Variants in ZMAT5 observed in about 807,000 individuals in gnomAD.
ZMAT5 encodes zinc finger matrin-type protein 5.
Under a neutral mutation model 28.0 loss-of-function variants are expected in ZMAT5, and 23 were observed. That is an observed-to-expected ratio of 0.82 (90% CI 0.59 to 1.16). The LOEUF is 1.16. Among genes scored for constraint, ZMAT5 ranks in the 50% most tolerant of loss-of-function variants. The pLI is 0.00. For synonymous variants in ZMAT5, 76 were observed against 84.1 expected, an observed-to-expected ratio of 0.90 and a Z score of 0.52; for missense variants, 173 against 212.7, an observed-to-expected ratio of 0.81 and a Z score of 1.16.
chr22:29,742,522 C>T, intron 2 of ZMAT5, 42 bp from the exon 3 acceptor site: 1 of 1,602,182 alleles, frequency 6.2e-7, no homozygotes. Context: ...GGTTCAGGCT[C>T]CACCAAAGGA....
rs180873759 is a variant in ZMAT5, at chr22:29,748,535, G to A, written c.10C>T (p.Arg4Ter). The A allele has an allele frequency of 2.8e-5, 45 of 1,614,136 alleles. No individual in the cohort carries two copies. In the East Asian group the frequency reaches 2.9e-4, roughly 10 times the overall value. The part of the protein sequence containing the change: MGK[R>*]YFCDYCDRSF... ...CGGTCGCAGTAGTCACAGAAGTATC[G>A]CTTCCCCATGGCCACTCAGAGCAGG... Residue 4 changes from arginine (R) to a stop codon, truncating the protein, a stop_gained, in exon 2 of 6, where the codon CGA becomes TGA. Transcript: ENST00000344318. LOFTEE classifies it high-confidence loss of function.
At chr22:29,740,874 G>T in intron 3 of ZMAT5, 144 bp from the exon 4 acceptor site, 1 of 717,208 alleles carries the variant, frequency 1.4e-6, no homozygotes, top group Non-Finnish European at 2.4e-6. Flanking sequence ...ACAGAAAATG[G>T]AATCTCTCCG....
chr22:29,744,991 T>C (rs1409617800), intron 2 of ZMAT5, among the ~76,000 whole-genome samples: 3 of 152,242 alleles, frequency 2.0e-5, no homozygotes, highest in East Asian at 1.9e-4. Context: ...TGGTGCCTCA[T>C]GTTTCTTTGC....
chr22:29,733,760 G>C (rs2067876779), intron 5 of ZMAT5, among the ~76,000 whole-genome samples: 1 of 152,284 alleles, frequency 6.6e-6, no homozygotes, highest in Admixed American at 6.5e-5. Flanking sequence ...CTAGAAAATG[G>C]GGCAGATTCC....
At chr22:29,760,075 C>T (rs2068141844) in intron 1 of ZMAT5, among the ~76,000 whole-genome samples, 2 of 152,106 alleles carry the variant, frequency 1.3e-5, no homozygotes, top group South Asian at 4.2e-4. Flanking sequence ...GCGGCACGAG[C>T]CTGTAGTCCC....
intron 1 of ZMAT5, among the ~76,000 whole-genome samples, chr22:29,750,792 AC>A (rs1186863883): frequency 1.3e-5 from 2 of 152,194 alleles, no homozygotes; most frequent in Non-Finnish European, 2.9e-5. Context: ...CAATGGGGGA[AC>A]ACAGCTCAGG....
At chr22:29,765,919 C>T (rs1023691770) in intron 1 of ZMAT5, among the ~76,000 whole-genome samples, 11 of 152,184 alleles carry the variant, frequency 7.2e-5, no homozygotes, top group African/African-American at 2.7e-4. Flanking sequence ...ATAACTTCCC[C>T]CTTGCGGTCC....
At chr22:29,749,250 A>G (rs2147228203) in intron 1 of ZMAT5, among the ~76,000 whole-genome samples, 1 of 152,094 alleles carries the variant, frequency 6.6e-6, no homozygotes, top group South Asian at 2.1e-4. Context: ...ACTTAAAAAA[A>G]CAATTTTTTT....
At chr22:29,765,169 G>A (rs998792576) in intron 1 of ZMAT5, among the ~76,000 whole-genome samples, 4 of 151,890 alleles carry the variant, frequency 2.6e-5, no homozygotes, top group African/African-American at 7.3e-5. Flanking sequence ...CTGTAATCCC[G>A]GCACTTTGGG....
At chr22:29,755,358 GGA>G (rs1569340060) in intron 1 of ZMAT5, among the ~76,000 whole-genome samples, 11 of 29,350 alleles carry the variant, frequency 3.7e-4, no homozygotes, top group African/African-American at 2.4e-3. Flanking sequence ...AGGGAGGGAG[GGA>G]GGGAGGGGGA....
rs1276565706 is a variant in ZMAT5 at position 29,748,591 on chromosome 22, T to G, written c.-27-20A>C. On this transcript the variant is annotated intron_variant, in intron 1 of 5. Transcript: ENST00000344318. ...TGCTGCCTGGGAAGCCACAAAGAGC[T>G]CAGATTAGACCATTGGAGAAAACAC... 2 of 1,612,382 alleles carry G rather than the reference T, an allele frequency of 1.2e-6. No individual in the cohort carries two copies. Among genetic ancestry groups the G allele is most frequent in the Non-Finnish European group, 1.7e-6 (2 of 1,179,684 alleles).
intron 4 of ZMAT5, 62 bp downstream of exon 4, chr22:29,740,588 T>C: frequency 6.6e-7 from 1 of 1,506,262 alleles, no homozygotes; most frequent in South Asian, 1.2e-5. Context: ...GCTTCCCCGG[T>C]CTCAGAGCCC....
intron 2 of ZMAT5, among the ~76,000 whole-genome samples, chr22:29,744,475 C>T (rs531924916): frequency 1.4e-3 from 210 of 151,912 alleles, no homozygotes; most frequent in Admixed American, 3.1e-3. Flanking sequence ...TATCTGTTAG[C>T]GCCGGGCTTG....
chr22:29,742,451 T>C lies in ZMAT5; in HGVS notation c.157A>G (p.Asn53Asp). The C allele has an allele frequency of 6.2e-7, 1 of 1,613,266 alleles. No individual in the cohort carries two copies. The change falls in exon 3 of 6, where the codon AAC becomes GAC. Residue 53 changes from asparagine (N) to aspartate (D), a missense_variant. Transcript: ENST00000344318. ...DAAAILLDEQ[N>D]KRPCRKFLLT... ...AGAAACTTCCTGCAGGGCCGCTTGT[T>C]CTGCTCATCCAGCAAGATGGCAGCT...
At chr22:29,753,140 G>C (rs1164721863) in intron 1 of ZMAT5, among the ~76,000 whole-genome samples, 1 of 152,234 alleles carries the variant, frequency 6.6e-6, no homozygotes, top group African/African-American at 2.4e-5. Flanking sequence ...TCAGATGTCA[G>C]GGCTTACATC....
At position 29,748,461 on chromosome 22, in the gene ZMAT5, C is replaced by A; in HGVS notation, c.84G>T (p.Leu28=). 6.2e-7 allele frequency: 1 copy of A among 1,614,258 alleles called. No individual in the cohort carries two copies. Among genetic ancestry groups the A allele is most frequent in the South Asian group, 1.1e-5 (1 of 91,090 alleles). ...LHNRKKHLNG[L]QHLKAKKVWY... ...AGACCTTCTTGGCCTTGAGGTGCTG[C>A]AGCCCGTTCAGGTGCTTCTTGCGGT... The change falls in exon 2 of 6, where the codon CTG becomes CTT. Residue 28 remains leucine (L), a synonymous_variant. Coordinates refer to ENST00000344318, the MANE Select transcript of ZMAT5 (RefSeq NM_001003692.2).
Position 29,748,762 on chromosome 22 carries a change from T to C in ZMAT5, c.-27-191A>G, listed in dbSNP as rs185327523. ...CAGAGGGATCTGTTAACCATTCTGA[T>C]GCCCAGCCTGCAACTTAGGCCAGTT... On this transcript the variant is annotated intron_variant, in intron 1 of 5. Coordinates refer to ENST00000344318, the MANE Select transcript of ZMAT5 (RefSeq NM_001003692.2). 4.6e-5 allele frequency among the ~76,000 whole-genome samples: 7 copies of C among 152,362 alleles called. 1 individual carries two copies. The highest frequency in any genetic ancestry group is 6.8e-3 in the Middle Eastern group (2 of 294).
intron 3 of ZMAT5, among the ~76,000 whole-genome samples, chr22:29,741,768 A>T (rs1434048030): frequency 2.0e-5 from 3 of 151,606 alleles, no homozygotes; most frequent in African/African-American, 7.3e-5. Flanking sequence ...TCCTGCCTCA[A>T]CCTCCCTAGT....
intron 1 of ZMAT5, among the ~76,000 whole-genome samples, chr22:29,763,048 G>C (rs986657296): frequency 6.6e-5 from 10 of 151,836 alleles, no homozygotes; most frequent in Non-Finnish European, 1.3e-4. Flanking sequence ...AATTAGGCTG[G>C]GTGGGAGGCC....
Sources: gnomAD v4.1 joint callset for allele counts (sites outside exome capture counted in the v4.1 genomes callset) on GRCh38, gnomAD v4.1.1 for gene constraint, MANE v1.5 for transcripts, NCBI Gene and HGNC (gene_info 2026-07-23, HGNC 2026-07-21) for gene names.